ROS1: variants seen among roughly 807,000 people sequenced by gnomAD.
ROS1 encodes ROS proto-oncogene 1, receptor tyrosine kinase.
Under a neutral mutation model 273.5 loss-of-function variants are expected in ROS1, and 263 were observed. The observed-to-expected ratio is 0.96, with a 90% CI of 0.87 to 1.06. ROS1 has a LOEUF of 1.06. Ranked by LOEUF, ROS1 falls within the 50% of genes least tolerant of loss-of-function variation. ROS1 has a pLI of 0.00. For missense variants in ROS1, 2,833 were observed against 2,751.1 expected, an observed-to-expected ratio of 1.03 and a Z score of -0.67; for synonymous variants, 1,008 against 954.1, an observed-to-expected ratio of 1.06 and a Z score of -1.04.
Position 117,329,425 on chromosome 6 carries a change from C to T in ROS1, c.5252G>A (p.Gly1751Asp), listed in dbSNP as rs2128593566. Residue 1751 changes from glycine to aspartate, a missense_variant, in exon 33 of 44, where the codon GGC (glycine) becomes GAC (aspartate). Transcript: ENST00000368507. The stretch of plus-strand genomic sequence containing the variant: ...ACTCCCTTCTAGTAATTTGGGAATG[C>T]CTGGTTTATTTGGGACTCCAGCTTT... ...KTKAGVPNKP[G>D]IPKLLEGSKN... 1 of 1,591,976 alleles carries T rather than the reference C, an allele frequency of 6.3e-7. No individual in the cohort carries two copies. The highest frequency in any genetic ancestry group is 8.6e-7 in the Non-Finnish European group (1 of 1,161,554).
chr6:117,378,892 A>C (rs1408317630), intron 18 of ROS1, among the ~76,000 whole-genome samples, 167 bp downstream of exon 18: 1 of 152,280 alleles, frequency 6.6e-6, no homozygotes, highest in East Asian at 1.9e-4. Context: ...ACCATATTCT[A>C]CTGTAACTAG....
At position 117,317,163 on chromosome 6, in the gene ROS1, G is replaced by A. The variant is rs752085591; in HGVS notation, c.6097C>T (p.Arg2033Cys). 39 of 1,612,826 alleles carry A rather than the reference G, an allele frequency of 2.4e-5. No individual in the cohort carries two copies. The highest frequency in any genetic ancestry group is 1.2e-4 in the African/African-American group (9 of 74,812). The change falls in exon 39 of 44, where the codon CGT (arginine) becomes TGT (cysteine). Residue 2033 changes from arginine (R) to cysteine (C), a missense_variant. By Grantham distance (180) the Arg-to-Cys change is radical. Transcript: ENST00000368507. ...CCTACCGTTGCCATCCGGGCTTTAC[G>A]CAAATAAGTAAGAAGGTCTCCTCCC... Reference protein sequence around the residue: ...MEGGDLLTYLRKARMATFYGP... With the variant: ...MEGGDLLTYLCKARMATFYGP...
chr6:117,412,641 T>C (rs1451064743), intron 4 of ROS1, among the ~76,000 whole-genome samples: 2 of 151,824 alleles, frequency 1.3e-5, no homozygotes, highest in African/African-American at 4.8e-5. Context: ...GATATACACA[T>C]AGCATGTATT....
chr6:117,422,468 G>T (rs184480468), intron 1 of ROS1, among the ~76,000 whole-genome samples: 1 of 151,930 alleles, frequency 6.6e-6, no homozygotes, highest in Non-Finnish European at 1.5e-5. Flanking sequence ...TTTCTTGATT[G>T]TATTCTGTTT....
At chr6:117,325,031 C>T (rs1776535843) in intron 34 of ROS1, among the ~76,000 whole-genome samples, 1 of 152,080 alleles carries the variant, frequency 6.6e-6, no homozygotes, top group Non-Finnish European at 1.5e-5. Flanking sequence ...GAACATGCTA[C>T]AGAGATCACA....
chr6:117,355,492 T>A (rs1582717335), intron 26 of ROS1, among the ~76,000 whole-genome samples: 1 of 152,344 alleles, frequency 6.6e-6, no homozygotes, highest in South Asian at 2.1e-4. Context: ...ATTTCAGTGA[T>A]GATGAAAACG....
At chr6:117,323,767 C>G (rs562434988) in intron 35 of ROS1, among the ~76,000 whole-genome samples, 1 of 152,132 alleles carries the variant, frequency 6.6e-6, no homozygotes, top group East Asian at 1.9e-4. Flanking sequence ...AATTTTTCTG[C>G]CTTCCTGGTC....
intron 37 of ROS1, among the ~76,000 whole-genome samples, chr6:117,318,938 C>A (rs916354745): frequency 6.6e-6 from 1 of 152,098 alleles, no homozygotes; most frequent in Non-Finnish European, 1.5e-5. Context: ...CTATCCTGAA[C>A]CAAAGCCAGC....
At chr6:117,418,375 A>G (rs559192579) in intron 2 of ROS1, 87 bp downstream of exon 2, 2 of 922,410 alleles carry the variant, frequency 2.2e-6, no homozygotes, top group East Asian at 2.7e-5. Context: ...TTACTTAGCA[A>G]TTCTTACTGT....
At chr6:117,301,261 G>A (rs1408890785) in intron 42 of ROS1, 124 bp from the exon 43 acceptor site, 3 of 775,412 alleles carry the variant, frequency 3.9e-6, no homozygotes, top group Non-Finnish European at 6.0e-6. Context: ...ATTAATATAA[G>A]TGAATCAAAA....
In ROS1 at chr6:117,301,043, A is replaced by C. The variant is rs767110496; in HGVS notation, c.6646T>G (p.Phe2216Val). The C allele has an allele frequency of 1.7e-5, 27 of 1,606,602 alleles. No homozygotes were observed. The South Asian group carries it at 2.5e-4, about 15-fold the overall frequency. The change falls in exon 43 of 44, where the codon TTC becomes GTC. Residue 2216 changes from phenylalanine (F) to valine (V), a missense_variant. By Grantham distance (50) the Phe-to-Val change is conservative (BLOSUM62 -1). Transcript: ENST00000368507. ...CTGGACTTATAAATGCTATTTAAGA[A>C]AAAATTTCTGAATAACTGAAGTTGG... is the stretch of plus-strand genomic sequence containing the variant. ...QDQLQLFRNF[F>V]LNSIYKSRDE...
chr6:117,358,820 C>G lies in ROS1; in HGVS notation c.3634-811G>C, dbSNP rs963955512. Among the ~76,000 whole-genome samples, 49 of 152,154 alleles carry G rather than the reference C, an allele frequency of 3.2e-4. 1 individual carries two copies. Among genetic ancestry groups the G allele is most frequent in the African/African-American group, 1.1e-3 (47 of 41,510 alleles). On this transcript the variant is annotated intron_variant, in intron 24 of 43. Coordinates refer to ENST00000368507, the MANE Select transcript of ROS1 (RefSeq NM_001378902.1). ...CTCCTTTCTCACCTCATGCTCATCC[C>G]CTCACTCAGGCCCATAACATTTTCT... is the stretch of plus-strand genomic sequence containing the variant.
At chr6:117,421,849 G>C (rs1029185461) in intron 1 of ROS1, among the ~76,000 whole-genome samples, 2 of 152,038 alleles carry the variant, frequency 1.3e-5, no homozygotes, top group Non-Finnish European at 2.9e-5. Flanking sequence ...TTTCTAAGTA[G>C]TCAAATTTAT....
chr6:117,328,212 A>G (rs1425254446), intron 33 of ROS1, among the ~76,000 whole-genome samples: 1 of 152,220 alleles, frequency 6.6e-6, no homozygotes, highest in African/African-American at 2.4e-5. Flanking sequence ...ATTTTGAGAC[A>G]CTGAAGTTAC....
chr6:117,401,655 T>C (rs1248842478), intron 7 of ROS1, among the ~76,000 whole-genome samples: 7 of 152,190 alleles, frequency 4.6e-5, no homozygotes, highest in Admixed American at 4.6e-4. Context: ...GCAAGCTCCA[T>C]AAGGGTTAGG....
intron 12 of ROS1, among the ~76,000 whole-genome samples, chr6:117,391,172 T>C (rs1005935410): frequency 2.0e-5 from 3 of 152,222 alleles, no homozygotes; most frequent in East Asian, 3.8e-4. Flanking sequence ...TCCTGAGATA[T>C]AAGCTCCATT....
In ROS1 at chr6:117,329,453, G is replaced by C. The variant is rs770199066; in HGVS notation, c.5231-7C>G. On this transcript the variant is annotated splice_polypyrimidine_tract_variant and splice_region_variant and intron_variant, in intron 32 of 43. Coordinates refer to ENST00000368507, the MANE Select transcript of ROS1 (RefSeq NM_001378902.1). Reference sequence around the variant, plus strand: ...GGTTTATTTGGGACTCCAGCTTTAGGGAAAAAAAGAAAATATTGGTTGATA... The same window carrying C: ...GGTTTATTTGGGACTCCAGCTTTAGCGAAAAAAAGAAAATATTGGTTGATA... The C allele has an allele frequency of 7.5e-7, 1 of 1,328,928 alleles. No individual in the cohort carries two copies. Among genetic ancestry groups the C allele is most frequent in the Non-Finnish European group, 1.1e-6 (1 of 929,016 alleles). 82.3% of individuals were successfully genotyped at this position (1,328,928 alleles called of 1,614,324 possible).
In ROS1 at chr6:117,369,355, G is replaced by C. The variant is rs188395691; in HGVS notation, c.2583-3065C>G. Among the ~76,000 whole-genome samples the C allele has an allele frequency of 2.8e-3, 424 of 152,252 alleles. 2 individuals are homozygous for C. Among genetic ancestry groups the C allele is most frequent in the Non-Finnish European group, 4.3e-3 (290 of 68,014 alleles). On this transcript the variant is annotated intron_variant, in intron 18 of 43. Transcript: ENST00000368507. ...GAGTCTGTGGATGCTCGAGGAGCTA[G>C]ACTCTTAAAGAAACCAGCTCTCCCT...
At chr6:117,358,443 A>G (rs1369933611) in intron 24 of ROS1, among the ~76,000 whole-genome samples, 4 of 151,534 alleles carry the variant, frequency 2.6e-5, no homozygotes, top group Non-Finnish European at 5.9e-5. Flanking sequence ...ACTTCTTCTC[A>G]TTACTACCCA....
Sources: allele counts gnomAD v4.1 joint callset (sites outside exome capture counted in the v4.1 genomes callset), GRCh38; gene constraint gnomAD v4.1.1; transcripts MANE v1.5; gene names NCBI Gene and HGNC (gene_info 2026-07-23, HGNC 2026-07-21).